The following CDH15 variants were observed in gnomAD, a reference collection of about 807,000 sequenced individuals.
The protein encoded by CDH15 is cadherin-15.
Under a neutral mutation model 69.4 loss-of-function variants are expected in CDH15, and 73 were observed. That is an observed-to-expected ratio of 1.05 (90% CI 0.87 to 1.28). The LOEUF (loss-of-function observed/expected upper bound fraction) is 1.28, where lower values mean the gene tolerates loss of function less well. Ranked by LOEUF, CDH15 falls within the 50% of genes most tolerant of loss-of-function variation. The probability of loss-of-function intolerance (pLI) is 0.00; values close to 1 mark genes in which losing one functional copy is unlikely to be tolerated. For synonymous variants in CDH15, 624 were observed against 507.7 expected (o/e 1.23, Z -3.08); for missense variants, 1,343 against 1,133.6 (o/e 1.18, Z -2.65).
intron 1 of CDH15, among the ~76,000 whole-genome samples, chr16:89,172,908 C>G (rs1282172173): frequency 6.6e-6 from 1 of 152,144 alleles, no homozygotes; most frequent in Non-Finnish European, 1.5e-5. Flanking sequence ...CTGGGGTGGT[C>G]AGGGAGTGCT....
intron 3 of CDH15, among the ~76,000 whole-genome samples, chr16:89,182,090 C>T (rs944673821): frequency 1.6e-5 from 2 of 124,718 alleles, no homozygotes; most frequent in African/African-American, 2.9e-5. Context: ...TGCCCTCCCC[C>T]AGCCTCCCCT....
chr16:89,191,659 C>G lies in CDH15; in HGVS notation c.1380C>G (p.Ser460=), dbSNP rs754429480. The part of the protein sequence containing the change: ...RAIVLAQDDA[S]QPRTATGTLS... ...CCGCGGCCTCCTCGCCTGCAGCCTC[C>G]CAGCCCCGCACCGCCACCGGCACCC... Residue 460 remains serine, a synonymous_variant, in exon 10 of 14, where the codon TCC becomes TCG. Coordinates refer to ENST00000289746, the MANE Select transcript of CDH15 (RefSeq NM_004933.3). 6.3e-7 allele frequency: 1 copy of G among 1,587,548 alleles called. No individual in the cohort carries two copies. The highest frequency in any genetic ancestry group is 2.3e-5 in the East Asian group (1 of 43,934).
rs776878472 is a variant in CDH15 at position 89,193,834 on chromosome 16, C to G, written c.2072C>G (p.Ala691Gly). ...PLGPPPLRRD[A>G]PQGRLHPQPP... ...GGACCGCCGCCACTTCGCAGAGATG[C>G]CCCGCAGGGCCGCCTGCACCCCCAG... The change falls in exon 13 of 14, where the codon GCC (alanine) becomes GGC (glycine). Residue 691 changes from alanine (A) to glycine (G), a missense_variant. Transcript: ENST00000289746. The G allele has an allele frequency of 3.0e-5, 48 of 1,610,458 alleles. No homozygotes were observed. Among genetic ancestry groups the G allele is most frequent in the East Asian group, 8.9e-5 (4 of 44,866 alleles).
At chr16:89,175,206 G>A (rs1027502766) in intron 1 of CDH15, among the ~76,000 whole-genome samples, 2 of 152,244 alleles carry the variant, frequency 1.3e-5, no homozygotes, top group East Asian at 1.9e-4. Context: ...GGTCTCCGGT[G>A]GAGGCAGCTG....
intron 5 of CDH15, among the ~76,000 whole-genome samples, chr16:89,186,542 T>C (rs1217593693): frequency 1.5e-4 from 15 of 100,598 alleles, no homozygotes; most frequent in East Asian, 3.6e-4. Flanking sequence ...TGTAAACGCT[T>C]ACCCAGCGCA....
intron 3 of CDH15, among the ~76,000 whole-genome samples, chr16:89,182,095 T>TG (rs1915390470): frequency 1.5e-4 from 2 of 13,560 alleles, no homozygotes; most frequent in Non-Finnish European, 2.9e-4. Flanking sequence ...TCCCCCAGCC[T>TG]CCCCTCCCCC....
In CDH15 at chr16:89,177,233, G is replaced by A. The variant is rs80182714; in HGVS notation, c.43-2183G>A. On this transcript the variant is annotated intron_variant, in intron 1 of 13. Coordinates refer to ENST00000289746, the MANE Select transcript of CDH15 (RefSeq NM_004933.3). ...TCACCCCCACAGCCCTGCAGTGGGGGGCTGGGAAGGTCGGGGTACCCTCGC... is the reference window on the plus strand; with the variant it reads ...TCACCCCCACAGCCCTGCAGTGGGGAGCTGGGAAGGTCGGGGTACCCTCGC... Among the ~76,000 whole-genome samples, 610 of 152,276 alleles carry A rather than the reference G, an allele frequency of 4.0e-3. 1 individual carries two copies. The highest frequency in any genetic ancestry group is 0.014 in the African/African-American group (564 of 41,540).
intron 3 of CDH15, among the ~76,000 whole-genome samples, chr16:89,181,586 G>T (rs1004295751): frequency 2.0e-5 from 3 of 151,946 alleles, no homozygotes; most frequent in Non-Finnish European, 2.9e-5. Flanking sequence ...GCCGTGCGCC[G>T]TGATTGCGCC....
intron 3 of CDH15, among the ~76,000 whole-genome samples, chr16:89,181,392 G>A (rs887215198): frequency 3.3e-5 from 5 of 152,230 alleles, no homozygotes; most frequent in East Asian, 3.9e-4. Context: ...CAGGAGGATC[G>A]CTTGAAGCCA....
chr16:89,194,975 C>G lies in CDH15; in HGVS notation c.2265C>G (p.Ser755Arg), dbSNP rs1005224907. The G allele has an allele frequency of 6.2e-7, 1 of 1,610,978 alleles. No individual in the cohort carries two copies. The highest frequency in any genetic ancestry group is 8.5e-7 in the Non-Finnish European group (1 of 1,179,308). The part of the protein sequence containing the change: ...VAGTLSSILS[S>R]QGDEDQDYDY... ...GGACGCTGAGCTCCATCCTGTCCAG[C>G]CAGGGCGATGAGGACCAGGACTACG... The change falls in exon 14 of 14, where the codon AGC becomes AGG. Residue 755 changes from serine to arginine, a missense_variant. Ser to Arg is a moderately radical substitution (Grantham distance 110). Transcript: ENST00000289746.
chr16:89,186,451 G>A (rs79089354), intron 5 of CDH15, among the ~76,000 whole-genome samples: 10 of 131,004 alleles, frequency 7.6e-5, no homozygotes, highest in South Asian at 2.5e-4. Context: ...CTCACCCAGC[G>A]CACAGAAGGT....
chr16:89,173,852 G>A (rs1344520788), intron 1 of CDH15, among the ~76,000 whole-genome samples: 1 of 152,224 alleles, frequency 6.6e-6, no homozygotes, highest in Non-Finnish European at 1.5e-5. Flanking sequence ...CTAGTTGCTG[G>A]TTCTACACCT....
At chr16:89,179,701 C>A in intron 2 of CDH15, 127 bp downstream of exon 2, 1 of 964,072 alleles carries the variant, frequency 1.0e-6, no homozygotes, top group Non-Finnish European at 1.5e-6. Context: ...AGGCAGGACT[C>A]GCCCACCTTG....
intron 3 of CDH15, among the ~76,000 whole-genome samples, chr16:89,181,931 C>G (rs1298816670): frequency 6.8e-6 from 1 of 147,162 alleles, no homozygotes; most frequent in African/African-American, 2.5e-5. Context: ...GAGTGAGACT[C>G]TGTCTCAAAA....
chr16:89,184,101 C>A (rs1291679604), intron 4 of CDH15, among the ~76,000 whole-genome samples: 1 of 152,196 alleles, frequency 6.6e-6, no homozygotes, highest in Non-Finnish European at 1.5e-5. Flanking sequence ...CTCGCTCCCA[C>A]CTCCCTGGGG....
intron 1 of CDH15, among the ~76,000 whole-genome samples, chr16:89,176,421 G>A (rs1307254161): frequency 6.6e-6 from 1 of 152,196 alleles, no homozygotes; most frequent in Non-Finnish European, 1.5e-5. Flanking sequence ...TGACCCCCCG[G>A]TTCTCGGTGC....
Position 89,193,617 on chromosome 16 carries a change from A to G in CDH15, c.1992+11A>G. ...GGGGAGGAGGACCAGGTGAGGGGGC[A>G]GGTGTGGGTGGGGAGGGGTCCCCAA... On this transcript the variant is annotated intron_variant, in intron 12 of 13. Transcript: ENST00000289746. 9.1e-7 allele frequency: 1 copy of G among 1,094,412 alleles called. No homozygotes were observed. The highest frequency in any genetic ancestry group is 1.4e-6 in the Non-Finnish European group (1 of 720,990). The allele number at this position is 1,094,412 out of a possible 1,614,324, so 67.8% of individuals were successfully genotyped here.
Position 89,193,432 on chromosome 16 carries a change from C to T in CDH15, c.1856-38C>T, listed in dbSNP as rs770603104. On this transcript the variant is annotated intron_variant, in intron 11 of 13. Transcript: ENST00000289746. The stretch of plus-strand genomic sequence containing the variant: ...CAGCCCGGCCCCCTGAAGTCGCGCC[C>T]TGTGCCTGGCCCCAGCCTGCGTCCC... 21 of 1,572,142 alleles carry T rather than the reference C, an allele frequency of 1.3e-5. No individual in the cohort carries two copies. The South Asian group carries it at 2.4e-4, about 18-fold the overall frequency.
chr16:89,194,825 C>T (rs1280238991), intron 13 of CDH15, 37 bp from the exon 14 acceptor site: 2 of 1,573,848 alleles, frequency 1.3e-6, no homozygotes, highest in East Asian at 2.3e-5. Flanking sequence ...CCCGCTGGCC[C>T]CTCCATGTGT....
Sources: allele counts gnomAD v4.1 joint callset (sites outside exome capture counted in the v4.1 genomes callset), GRCh38; gene constraint gnomAD v4.1.1; transcripts MANE v1.5; gene names NCBI Gene and HGNC (gene_info 2026-07-23, HGNC 2026-07-21).